Variants in CABLES1 observed in about 807,000 individuals in gnomAD.
CABLES1 encodes the protein CDK5 and ABL1 enzyme substrate 1.
A neutral mutation model predicts 57.8 loss-of-function variants in CABLES1; 36 were observed. That is an observed-to-expected ratio of 0.62 (90% CI 0.48 to 0.82). The LOEUF (loss-of-function observed/expected upper bound fraction) is 0.82, where lower values mean the gene tolerates loss of function less well. CABLES1 is among the 40% of genes least tolerant of loss of function. The pLI is 0.00. For missense variants in CABLES1, 767 were observed against 836.6 expected, an observed-to-expected ratio of 0.92 and a Z score of 1.03; for synonymous variants, 374 against 363.0, an observed-to-expected ratio of 1.03 and a Z score of -0.35.
intron 3 of CABLES1, among the ~76,000 whole-genome samples, chr18:23,194,975 T>C (rs2047271726): frequency 6.6e-6 from 1 of 152,162 alleles, no homozygotes; most frequent in Non-Finnish European, 1.5e-5. Flanking sequence ...GCTTTAACTC[T>C]CTTTTTAGGA....
chr18:23,164,126 A>C (rs996894652), intron 1 of CABLES1, among the ~76,000 whole-genome samples: 5 of 152,190 alleles, frequency 3.3e-5, no homozygotes, highest in Non-Finnish European at 5.9e-5. Flanking sequence ...AAGAAGTATA[A>C]TTGTTTCAGA....
At position 23,257,496 on chromosome 18, in the gene CABLES1, G is replaced by T; in HGVS notation, c.*129G>T. 1 of 1,085,814 alleles carries T rather than the reference G, an allele frequency of 9.2e-7. No homozygotes were observed. Among genetic ancestry groups the T allele is most frequent in the South Asian group, 1.8e-5 (1 of 55,744 alleles). 67.3% of individuals were successfully genotyped at this position (1,085,814 alleles called of 1,614,324 possible). A position where few individuals can be genotyped will look rare whatever the true frequency, so the allele number is the denominator to read the frequency against. On this transcript the variant is annotated 3_prime_UTR_variant, in exon 10 of 10. Transcript: ENST00000256925. Reference sequence around the variant, plus strand: ...TTTCTTCCTCTCGACATAGTTTGGGGAGAAGCAGTACTAGAAACTTTCCAA... The same window carrying T: ...TTTCTTCCTCTCGACATAGTTTGGGTAGAAGCAGTACTAGAAACTTTCCAA...
chr18:23,190,093 C>T (rs531730394), intron 2 of CABLES1, among the ~76,000 whole-genome samples: 1 of 152,320 alleles, frequency 6.6e-6, no homozygotes, highest in Non-Finnish European at 1.5e-5. Flanking sequence ...ACAAGTGTTA[C>T]TCTGTGAGGA....
chr18:23,205,771 A>T (rs2047358823), intron 3 of CABLES1, among the ~76,000 whole-genome samples: 2 of 152,124 alleles, frequency 1.3e-5, no homozygotes, highest in South Asian at 4.2e-4. Context: ...AGGCAGGAGG[A>T]TCACTTGAGC....
intron 4 of CABLES1, among the ~76,000 whole-genome samples, chr18:23,224,321 T>A (rs897759153): frequency 5.9e-5 from 9 of 151,990 alleles, no homozygotes; most frequent in African/African-American, 2.2e-4. Context: ...TGCTGTCGTG[T>A]ACCCATGGGC....
At position 23,235,903 on chromosome 18, in the gene CABLES1, C is replaced by T; in HGVS notation, c.1194C>T (p.Ser398=). 1 of 1,614,156 alleles carries T rather than the reference C, an allele frequency of 6.2e-7. No individual in the cohort carries two copies. The highest frequency in any genetic ancestry group is 8.5e-7 in the Non-Finnish European group (1 of 1,180,006). Reference sequence around the variant, plus strand: ...TTGTCTTCACCTTTTAGACTGTTTCCTATACCCAATTTCTGTTACCCACAA... The same window carrying T: ...TTGTCTTCACCTTTTAGACTGTTTCTTATACCCAATTTCTGTTACCCACAA... ...VELGADGKTV[S]YTQFLLPTNA... is the part of the protein sequence containing the mutation. The change falls in exon 6 of 10, where the codon TCC becomes TCT. Residue 398 remains serine (S), a synonymous_variant. Coordinates refer to ENST00000256925, the MANE Select transcript of CABLES1 (RefSeq NM_001100619.3).
chr18:23,151,708 C>T (rs1255168444), intron 1 of CABLES1, among the ~76,000 whole-genome samples: 2 of 152,024 alleles, frequency 1.3e-5, no homozygotes, highest in African/African-American at 2.4e-5. Context: ...AGGCTTGCTT[C>T]GGGAGGTGAC....
At position 23,205,181 on chromosome 18, in the gene CABLES1, C is replaced by CTTTTT. The variant is rs34690271; in HGVS notation, c.1011-8776_1011-8772dup. The stretch of plus-strand genomic sequence containing the variant: ...AATTCCAAAAGGACTTCATTCCTGA[C>CTTTTT]TTTTTTTTTTTTTTTTTTTTTTTTG... On this transcript the variant is annotated intron_variant, in intron 3 of 9. Coordinates refer to ENST00000256925, the MANE Select transcript of CABLES1 (RefSeq NM_001100619.3). Among the ~76,000 whole-genome samples, 37 of 81,182 alleles carry CTTTTT rather than the reference C, an allele frequency of 4.6e-4. 1 individual carries two copies. Among genetic ancestry groups the CTTTTT allele is most frequent in the African/African-American group, 9.6e-4 (19 of 19,736 alleles). The allele number at this position is 81,182 out of a possible 152,430, so 53.3% of individuals were successfully genotyped here.
intron 1 of CABLES1, among the ~76,000 whole-genome samples, chr18:23,139,013 C>T (rs982750165): frequency 4.6e-5 from 7 of 152,008 alleles, no homozygotes; most frequent in Admixed American, 6.6e-5. Context: ...AATTAAATTT[C>T]GACAAGTGTT....
rs1428507278 is a variant in CABLES1, at chr18:23,257,603, GAGAGGCCCTGCCCTCTGTCCACT to G, written c.*239_*261del. 2 of 441,500 alleles carry G rather than the reference GAGAGGCCCTGCCCTCTGTCCACT, an allele frequency of 4.5e-6. No individual in the cohort carries two copies. The highest frequency in any genetic ancestry group is 7.9e-6 in the Non-Finnish European group (2 of 254,750). The allele number at this position is 441,500 out of a possible 1,614,324, so 27.3% of individuals were successfully genotyped here. On this transcript the variant is annotated 3_prime_UTR_variant, in exon 10 of 10. Coordinates refer to ENST00000256925, the MANE Select transcript of CABLES1 (RefSeq NM_001100619.3). ...GAAGAGGAGGTGTGTGCTGAGAACA[GAGAGGCCCTGCCCTCTGTCCACT>G]AGCGAGAATCCCTAGCTGCCCCAGC...
chr18:23,139,434 C>G (rs1319631601), intron 1 of CABLES1, among the ~76,000 whole-genome samples: 1 of 148,546 alleles, frequency 6.7e-6, no homozygotes, highest in African/African-American at 2.5e-5. Flanking sequence ...ATTAGAATGT[C>G]TCCCAATCTG....
At chr18:23,221,898 C>G (rs1240538050) in intron 4 of CABLES1, among the ~76,000 whole-genome samples, 62 of 152,198 alleles carry the variant, frequency 4.1e-4, no homozygotes, top group Non-Finnish European at 1.2e-4. Context: ...AACTCAAGCC[C>G]CTGATCCAAG....
intron 3 of CABLES1, among the ~76,000 whole-genome samples, chr18:23,198,725 T>G (rs2047302621): frequency 6.6e-6 from 1 of 152,192 alleles, no homozygotes; most frequent in Non-Finnish European, 1.5e-5. Flanking sequence ...AACCAAGAAA[T>G]GCAGGCAGCT....
intron 7 of CABLES1, among the ~76,000 whole-genome samples, chr18:23,251,071 T>C (rs567446065): frequency 9.2e-5 from 14 of 152,358 alleles, no homozygotes; most frequent in Non-Finnish European, 4.4e-5. Flanking sequence ...AAACCTTTGA[T>C]GGGCTTTGCG....
At chr18:23,217,636 T>C (rs1460485036) in intron 4 of CABLES1, among the ~76,000 whole-genome samples, 2 of 152,212 alleles carry the variant, frequency 1.3e-5, no homozygotes, top group African/African-American at 2.4e-5. Flanking sequence ...TTTTTACTAA[T>C]TGGGAAACAA....
At chr18:23,209,714 C>T (rs547362506) in intron 3 of CABLES1, among the ~76,000 whole-genome samples, 9 of 152,300 alleles carry the variant, frequency 5.9e-5, no homozygotes, top group African/African-American at 2.2e-4. Flanking sequence ...CTTCTCACAA[C>T]CAACAGAGAC....
intron 7 of CABLES1, among the ~76,000 whole-genome samples, chr18:23,247,620 G>A (rs2047929571): frequency 1.3e-5 from 2 of 152,200 alleles, no homozygotes; most frequent in Admixed American, 1.3e-4. Flanking sequence ...GCAAACGGAG[G>A]CACAGAGCTC....
chr18:23,172,239 T>G (rs1311592592), intron 1 of CABLES1, among the ~76,000 whole-genome samples: 3 of 152,202 alleles, frequency 2.0e-5, no homozygotes, highest in Non-Finnish European at 4.4e-5. Flanking sequence ...CTTAACACGG[T>G]AGAGACAGAG....
chr18:23,191,126 C>T (rs2047239900), intron 2 of CABLES1, among the ~76,000 whole-genome samples: 1 of 151,634 alleles, frequency 6.6e-6, no homozygotes, highest in African/African-American at 2.4e-5. Flanking sequence ...GGATGTGCAC[C>T]TGTAGTTCCA....
Sources: allele counts gnomAD v4.1 joint callset (sites outside exome capture counted in the v4.1 genomes callset), GRCh38; gene constraint gnomAD v4.1.1; transcripts MANE v1.5; gene names NCBI Gene and HGNC (gene_info 2026-07-23, HGNC 2026-07-21).